RANBP2: variants seen among roughly 807,000 people sequenced by gnomAD.
The protein encoded by RANBP2 is RAN binding protein 2, also known as E3 SUMO-protein ligase RanBP2.
In RANBP2, 57 loss-of-function variants were observed where a neutral mutation model predicts 303.6. That is an observed-to-expected ratio of 0.19 (90% confidence interval 0.15 to 0.23). The LOEUF (loss-of-function observed/expected upper bound fraction) is 0.23. Ranked by LOEUF, RANBP2 falls within the 10% of genes least tolerant of loss-of-function variation. The pLI is 1.00. For missense variants in RANBP2, 3,138 were observed against 3,780.8 expected (o/e 0.83, Z 4.46); for synonymous variants, 1,167 against 1,301.5 (o/e 0.90, Z 2.23).
the RANBP2 span, among the ~76,000 whole-genome samples, chr2:109,629,328 TA>T: frequency 2.4e-3 from 32 of 13,072 alleles, no homozygotes; most frequent in African/African-American, 4.2e-3. Flanking sequence ...TATATATATA[TA>T]TATATATATA....
At chr2:109,414,745 C>T in the RANBP2 span, among the ~76,000 whole-genome samples, 1 of 152,212 alleles carries the variant, frequency 6.6e-6, no homozygotes, top group African/African-American at 2.4e-5. Context: ...AGCACTGAGC[C>T]CATGGCCTCT....
the RANBP2 span, among the ~76,000 whole-genome samples, chr2:108,829,425 T>G: frequency 6.6e-6 from 1 of 152,196 alleles, no homozygotes; most frequent in Non-Finnish European, 1.5e-5. Context: ...AAAACCACAG[T>G]AAGATACCAC....
At chr2:109,187,638 A>G in the RANBP2 span, among the ~76,000 whole-genome samples, 3 of 152,224 alleles carry the variant, frequency 2.0e-5, no homozygotes, top group African/African-American at 7.2e-5. Context: ...GTCTTAGGCT[A>G]TGCCATCTGG....
chr2:108,937,319 C>A, the RANBP2 span, among the ~76,000 whole-genome samples: 1 of 152,246 alleles, frequency 6.6e-6, no homozygotes, highest in South Asian at 2.1e-4. Context: ...TCCCTGCATT[C>A]TCTCAGGCCC....
chr2:109,505,269 A>G, the RANBP2 span, among the ~76,000 whole-genome samples: 1 of 152,214 alleles, frequency 6.6e-6, no homozygotes, highest in Non-Finnish European at 1.5e-5. Context: ...CATGCCTGGA[A>G]CCACGTGTTT....
chr2:108,840,490 A>G, the RANBP2 span, among the ~76,000 whole-genome samples: 3 of 152,126 alleles, frequency 2.0e-5, no homozygotes, highest in African/African-American at 7.2e-5. Flanking sequence ...TAAATTATGA[A>G]TTTAAGTTCT....
chr2:109,585,541 T>C, the RANBP2 span, among the ~76,000 whole-genome samples: 65 of 152,276 alleles, frequency 4.3e-4, 2 homozygotes, highest in East Asian at 0.01. Context: ...GATGTTTATA[T>C]AACAAGCCAA....
At chr2:109,357,352 T>G in the RANBP2 span, among the ~76,000 whole-genome samples, 1 of 152,192 alleles carries the variant, frequency 6.6e-6, no homozygotes, top group Non-Finnish European at 1.5e-5. Flanking sequence ...CGGATAATTT[T>G]GTGTATTTTT....
the RANBP2 span, among the ~76,000 whole-genome samples, chr2:109,349,504 C>T: frequency 2.0e-5 from 3 of 152,284 alleles, no homozygotes; most frequent in South Asian, 6.2e-4. Context: ...GTGGACTCTT[C>T]CCCCTAAGAG....
chr2:109,597,099 C>T, the RANBP2 span, among the ~76,000 whole-genome samples: 1 of 152,086 alleles, frequency 6.6e-6, no homozygotes, highest in Admixed American at 6.6e-5. Flanking sequence ...TGGCACATCC[C>T]AGCACACTTG....
At chr2:109,157,450 C>G in the RANBP2 span, among the ~76,000 whole-genome samples, 3 of 152,280 alleles carry the variant, frequency 2.0e-5, no homozygotes, top group East Asian at 1.9e-4. Context: ...CATTTTCAAT[C>G]TGTAAAAATA....
chr2:109,300,765 T>C, the RANBP2 span, among the ~76,000 whole-genome samples: 1 of 152,316 alleles, frequency 6.6e-6, no homozygotes, highest in Non-Finnish European at 1.5e-5. Flanking sequence ...TTCATGTGGG[T>C]TGGGCTCCAC....
the RANBP2 span, among the ~76,000 whole-genome samples, chr2:109,251,073 C>T: frequency 2.0e-5 from 3 of 151,956 alleles, no homozygotes; most frequent in Non-Finnish European, 2.9e-5. Flanking sequence ...ATGATCTCGG[C>T]TCATGGCAAC....
At chr2:109,521,939 G>A in the RANBP2 span, among the ~76,000 whole-genome samples, 17 of 152,274 alleles carry the variant, frequency 1.1e-4, no homozygotes, top group Admixed American at 2.0e-4. Flanking sequence ...CGCAGCTGCC[G>A]CCCTGCCCGC....
At chr2:109,316,866 G>C in the RANBP2 span, among the ~76,000 whole-genome samples, 2 of 152,174 alleles carry the variant, frequency 1.3e-5, no homozygotes, top group African/African-American at 4.8e-5. Context: ...GTAGTTCTGC[G>C]TTCTCCAGAA....
the RANBP2 span, chr2:108,897,347 A>G: frequency 1.0e-6 from 1 of 997,250 alleles, no homozygotes; most frequent in Non-Finnish European, 1.5e-6. Flanking sequence ...TAAAATTATA[A>G]AACATGCAGA....
At chr2:109,628,164 C>A in the RANBP2 span, among the ~76,000 whole-genome samples, 1 of 152,106 alleles carries the variant, frequency 6.6e-6, no homozygotes, top group East Asian at 1.9e-4. Flanking sequence ...AGAGATGCTC[C>A]AGGCTACTAA....
chr2:109,232,835 A>G, the RANBP2 span, among the ~76,000 whole-genome samples: 1 of 152,074 alleles, frequency 6.6e-6, no homozygotes, highest in African/African-American at 2.4e-5. Flanking sequence ...TTAATGCAAA[A>G]TTTTATCGAG....
At chr2:109,464,941 GC>G in the RANBP2 span, among the ~76,000 whole-genome samples, 3 of 152,176 alleles carry the variant, frequency 2.0e-5, no homozygotes, top group Non-Finnish European at 4.4e-5. Flanking sequence ...TAGTTTGACT[GC>G]CCTAAAAATC....
Sources: gnomAD v4.1 joint callset for allele counts (sites outside exome capture counted in the v4.1 genomes callset) on GRCh38, gnomAD v4.1.1 for gene constraint, MANE v1.5 for transcripts, NCBI Gene and HGNC (gene_info 2026-07-23, HGNC 2026-07-21) for gene names.